BRSK2: variants seen among roughly 807,000 people sequenced by gnomAD.
The protein encoded by BRSK2 is serine/threonine-protein kinase BRSK2.
BRSK2 carries 19 observed loss-of-function variants against 83.3 expected under a neutral mutation model. The ratio of observed to expected loss-of-function variants is 0.23; its 90% CI spans 0.16 to 0.33. The LOEUF (loss-of-function observed/expected upper bound fraction) is 0.33, where lower values mean the gene tolerates loss of function less well. BRSK2 is among the 10% of genes least tolerant of loss of function. The pLI is 1.00. For missense variants in BRSK2, 798 were observed against 1,042.3 expected, an observed-to-expected ratio of 0.77 and a Z score of 3.23; for synonymous variants, 519 against 435.4, an observed-to-expected ratio of 1.19 and a Z score of -2.39.
At chr11:1,443,893 C>T (rs572940238) in intron 8 of BRSK2, among the ~76,000 whole-genome samples, 3 of 151,998 alleles carry the variant, frequency 2.0e-5, no homozygotes, top group South Asian at 4.2e-4. Flanking sequence ...AGTGCCCAGG[C>T]GTGTGTGGGC....
chr11:1,410,715 G>A (rs1847384315), intron 1 of BRSK2: 1 of 985,438 alleles, frequency 1.0e-6, no homozygotes, highest in African/African-American at 1.7e-5. Flanking sequence ...GCCTGCCTAG[G>A]GTGGGACCAT....
intron 16 of BRSK2, among the ~76,000 whole-genome samples, chr11:1,455,778 T>C (rs12577343): frequency 0.65 from 98,273 of 151,856 alleles, 32,445 homozygotes; most frequent in African/African-American, 0.71. Context: ...GTGAGGCGGC[T>C]GTGTGCCAGC....
chr11:1,394,791 CTGGAGATGGGTCCTGGAGATGGGCCA>C (rs1845961195), intron 1 of BRSK2, among the ~76,000 whole-genome samples: 1 of 83,188 alleles, frequency 1.2e-5, no homozygotes. Flanking sequence ...GAGATGGGTC[CTGGAGATGGGTCCTGGAGATGGGCCA>C]TGGAGATGGG....
intron 1 of BRSK2, among the ~76,000 whole-genome samples, chr11:1,406,965 G>A (rs146546744): frequency 4.1e-4 from 62 of 152,324 alleles, no homozygotes; most frequent in Non-Finnish European, 7.5e-4. Context: ...CTGCCTGTGC[G>A]TGCAAACGTG....
At position 1,460,002 on chromosome 11, in the gene BRSK2, G is replaced by A. The variant is rs986168094; in HGVS notation, c.1988-498G>A. Reference sequence around the variant, plus strand: ...CCAGCAGCTGCCCCCAGGGTCCTGCGAGGCTTCAGAGCTCCCAGCAGGCCC... The same window carrying A: ...CCAGCAGCTGCCCCCAGGGTCCTGCAAGGCTTCAGAGCTCCCAGCAGGCCC... On this transcript the variant is annotated intron_variant, in intron 19 of 19. Transcript: ENST00000528841. Among the ~76,000 whole-genome samples the A allele has an allele frequency of 3.3e-5, 5 of 151,982 alleles. No homozygotes were observed. In the South Asian group the frequency reaches 6.3e-4, roughly 19 times the overall value.
At chr11:1,452,549 T>C (rs895919799) in intron 15 of BRSK2, among the ~76,000 whole-genome samples, 1 of 152,206 alleles carries the variant, frequency 6.6e-6, no homozygotes, top group Non-Finnish European at 1.5e-5. Context: ...TCCCCCATCT[T>C]GAGATGGCCT....
At chr11:1,436,540 G>A (rs1485538775) in intron 2 of BRSK2, among the ~76,000 whole-genome samples, 1 of 152,112 alleles carries the variant, frequency 6.6e-6, no homozygotes, top group Non-Finnish European at 1.5e-5. Flanking sequence ...CTTCCACTGG[G>A]GCCTGGCCTC....
chr11:1,449,994 A>G (rs1371808026), intron 13 of BRSK2, among the ~76,000 whole-genome samples, 158 bp downstream of exon 13: 7 of 152,072 alleles, frequency 4.6e-5, no homozygotes, highest in Non-Finnish European at 5.9e-5. Flanking sequence ...TCTGTGGCGC[A>G]GGCTGCTCTG....
intron 18 of BRSK2, 64 bp from the exon 19 acceptor site, chr11:1,459,121 GGCGTCCA>G: frequency 1.3e-6 from 2 of 1,500,220 alleles, no homozygotes; most frequent in Non-Finnish European, 1.8e-6. Flanking sequence ...CGAGGCTGTG[GGCGTCCA>G]GCCAGAAGGC....
intron 1 of BRSK2, among the ~76,000 whole-genome samples, chr11:1,421,335 G>A (rs1848612525): frequency 6.6e-6 from 1 of 152,156 alleles, no homozygotes; most frequent in Admixed American, 6.5e-5. Context: ...TGGCTGCAGA[G>A]ATGCCTGCCT....
intron 12 of BRSK2, among the ~76,000 whole-genome samples, chr11:1,448,377 G>A (rs1852477779): frequency 6.6e-6 from 1 of 152,154 alleles, no homozygotes; most frequent in Admixed American, 6.5e-5. Context: ...CCTTCTCTTT[G>A]AGCCCTGGCC....
chr11:1,427,862 C>G (rs998253616), intron 1 of BRSK2, among the ~76,000 whole-genome samples: 3 of 152,220 alleles, frequency 2.0e-5, no homozygotes, highest in Non-Finnish European at 4.4e-5. Flanking sequence ...TCACAGCACA[C>G]TCCCCACTCC....
At chr11:1,398,127 C>A (rs906630385) in intron 1 of BRSK2, among the ~76,000 whole-genome samples, 1 of 152,108 alleles carries the variant, frequency 6.6e-6, no homozygotes, top group African/African-American at 2.4e-5. Flanking sequence ...GTCGCCTCTG[C>A]GGGTGTCTTG....
rs1426961404 is a variant in BRSK2, at chr11:1,460,636, C to T, written c.2124C>T (p.Gly708=). Residue 708 remains glycine, a synonymous_variant, in exon 20 of 20, where the codon GGC becomes GGT. Transcript: ENST00000528841. ...HGPLGDSAAA[G]PGPGGDAEYP... ...CACTCGGTGACTCCGCGGCCGCTGGCCCTGGCCCCGGAGGGGACGCCGAGT... is the reference window on the plus strand; with the variant it reads ...CACTCGGTGACTCCGCGGCCGCTGGTCCTGGCCCCGGAGGGGACGCCGAGT... The T allele has an allele frequency of 6.5e-7, 1 of 1,529,856 alleles. No individual in the cohort carries two copies. The highest frequency in any genetic ancestry group is 8.7e-7 in the Non-Finnish European group (1 of 1,143,326). 94.8% of individuals were successfully genotyped at this position (1,529,856 alleles called of 1,614,324 possible). A position where few individuals can be genotyped will look rare whatever the true frequency, so the allele number is the denominator to read the frequency against.
In BRSK2 at chr11:1,460,881, G is replaced by A. The variant is rs1185000331; in HGVS notation, c.*158G>A. ...AAAGGGGCGTTGGGGCCGGCCTGTG[G>A]GCTGCGCCACCCGCGCCCGCTCTCT... On this transcript the variant is annotated 3_prime_UTR_variant, in exon 20 of 20. Coordinates refer to ENST00000528841, the MANE Select transcript of BRSK2 (RefSeq NM_001256627.2). The A allele has an allele frequency of 3.1e-6, 5 of 1,595,014 alleles. No individual in the cohort carries two copies. Among genetic ancestry groups the A allele is most frequent in the Non-Finnish European group, 4.3e-6 (5 of 1,171,904 alleles).
At chr11:1,408,255 C>T (rs1847051983) in intron 1 of BRSK2, among the ~76,000 whole-genome samples, 1 of 152,238 alleles carries the variant, frequency 6.6e-6, no homozygotes, top group African/African-American at 2.4e-5. Flanking sequence ...TCCCTGTGTC[C>T]AGCAGTCCTC....
intron 2 of BRSK2, 116 bp downstream of exon 2, chr11:1,436,250 G>GGGGGGGGGGGGGGGGGGGGCCCCCCCCCC: frequency 1.2e-5 from 2 of 168,874 alleles, no homozygotes; most frequent in Non-Finnish European, 9.5e-6. Flanking sequence ...GGGGGGGCGG[G>GGGGGGGGGGGGGGGGGGGGCCCCCCCCCC]CCCTGCAGGC....
chr11:1,455,064 C>T (rs1308470807), intron 16 of BRSK2, among the ~76,000 whole-genome samples: 1 of 152,172 alleles, frequency 6.6e-6, no homozygotes, highest in Non-Finnish European at 1.5e-5. Flanking sequence ...TTTCCCTGGT[C>T]TCACCCTGCC....
chr11:1,401,186 TCA>T (rs1395697000), intron 1 of BRSK2, among the ~76,000 whole-genome samples: 1 of 152,186 alleles, frequency 6.6e-6, no homozygotes. Flanking sequence ...GCTCCCGTCT[TCA>T]CAGAGTTCTC....
Sources: allele counts gnomAD v4.1 joint callset (sites outside exome capture counted in the v4.1 genomes callset), GRCh38; gene constraint gnomAD v4.1.1; transcripts MANE v1.5; gene names NCBI Gene and HGNC (gene_info 2026-07-23, HGNC 2026-07-21).